ATOSA: variants seen among roughly 807,000 people sequenced by gnomAD.
ATOSA encodes atos homolog A.
the ATOSA span, among the ~76,000 whole-genome samples, chr15:52,628,426 G>A: frequency 6.6e-6 from 1 of 152,124 alleles, no homozygotes; most frequent in African/African-American, 2.4e-5. Flanking sequence ...TCAGAACTCA[G>A]GCCACACTGA....
the ATOSA span, among the ~76,000 whole-genome samples, chr15:52,622,935 C>T: frequency 4.6e-5 from 7 of 150,702 alleles, no homozygotes; most frequent in African/African-American, 7.3e-5. Flanking sequence ...CCAGCCTGGG[C>T]AACACAGTGA....
chr15:52,658,843 G>A, the ATOSA span: 8 of 369,332 alleles, frequency 2.2e-5, no homozygotes, highest in Non-Finnish European at 3.8e-5. Flanking sequence ...AAAATCAGCT[G>A]GGCATGGTGA....
the ATOSA span, among the ~76,000 whole-genome samples, chr15:52,702,779 C>CAA: frequency 1.1e-3 from 103 of 91,874 alleles, no homozygotes; most frequent in African/African-American, 3.0e-3. Flanking sequence ...AAAGTGTTTC[C>CAA]AAAAAAAAAA....
At chr15:52,656,766 A>G in the ATOSA span, 16 of 152,182 alleles carry the variant, frequency 1.1e-4, no homozygotes, top group Non-Finnish European at 1.9e-4. Flanking sequence ...AAGAATCAAG[A>G]TCAGGTATTA....
chr15:52,643,300 TA>T, the ATOSA span, among the ~76,000 whole-genome samples: 1 of 152,120 alleles, frequency 6.6e-6, no homozygotes, highest in African/African-American at 2.4e-5. Flanking sequence ...TTGAACTTTT[TA>T]AAAAAACTGA....
chr15:52,659,286 T>C, the ATOSA span, among the ~76,000 whole-genome samples: 4 of 152,258 alleles, frequency 2.6e-5, no homozygotes, highest in African/African-American at 9.6e-5. Flanking sequence ...TTGGTTATAC[T>C]TGTTTCAGTG....
chr15:52,600,350 C>T, the ATOSA span: 1 of 578,324 alleles, frequency 1.7e-6, no homozygotes. Context: ...ACCATCATAG[C>T]TCATACAGCT....
the ATOSA span, among the ~76,000 whole-genome samples, chr15:52,590,493 T>C: frequency 0.023 from 3,534 of 152,316 alleles, 116 homozygotes; most frequent in African/African-American, 0.073. Flanking sequence ...ACCACAAAGA[T>C]AGGATTTTCT....
the ATOSA span, among the ~76,000 whole-genome samples, chr15:52,665,096 C>T: frequency 1.3e-5 from 2 of 152,272 alleles, no homozygotes; most frequent in South Asian, 4.1e-4. Flanking sequence ...ACAATAGACA[C>T]TGGGGACTAC....
chr15:52,687,396 C>CTGG, the ATOSA span, among the ~76,000 whole-genome samples: 2 of 152,244 alleles, frequency 1.3e-5, no homozygotes, highest in South Asian at 4.1e-4. Flanking sequence ...CAGAGCGAGA[C>CTGG]TCCGTCTCAA....
At chr15:52,697,510 A>C in the ATOSA span, among the ~76,000 whole-genome samples, 1 of 152,236 alleles carries the variant, frequency 6.6e-6, no homozygotes. Context: ...ACTTTTAAAA[A>C]TAATTTATCT....
At chr15:52,638,573 C>A in the ATOSA span, among the ~76,000 whole-genome samples, 2 of 151,756 alleles carry the variant, frequency 1.3e-5, no homozygotes, top group Non-Finnish European at 2.9e-5. Flanking sequence ...TGGTGGTGAG[C>A]ACCTGTAATC....
At chr15:52,653,161 C>T in the ATOSA span, among the ~76,000 whole-genome samples, 2 of 152,046 alleles carry the variant, frequency 1.3e-5, no homozygotes, top group East Asian at 1.9e-4. Context: ...AGAAGCATGC[C>T]GTTTATTACT....
chr15:52,609,217 G>A, the ATOSA span: 1 of 1,611,698 alleles, frequency 6.2e-7, no homozygotes, highest in Non-Finnish European at 8.5e-7. Flanking sequence ...TTTAAAAGAA[G>A]TAAAACATTT....
chr15:52,686,634 G>T, the ATOSA span, among the ~76,000 whole-genome samples: 1 of 152,180 alleles, frequency 6.6e-6, no homozygotes, highest in Admixed American at 6.5e-5. Flanking sequence ...GCTTCTATCA[G>T]AACCCCAAAG....
chr15:52,601,164 A>G, the ATOSA span: 1 of 1,531,194 alleles, frequency 6.5e-7, no homozygotes, highest in Non-Finnish European at 8.8e-7. Context: ...TCTTTGAGGA[A>G]CCTAAGGTCA....
chr15:52,645,415 G>A, the ATOSA span, among the ~76,000 whole-genome samples: 1 of 151,988 alleles, frequency 6.6e-6, no homozygotes, highest in Admixed American at 6.6e-5. Flanking sequence ...CTGCGCTCCA[G>A]CCTGGGCGAC....
chr15:52,649,204 C>T, the ATOSA span, among the ~76,000 whole-genome samples: 23 of 152,128 alleles, frequency 1.5e-4, no homozygotes, highest in Non-Finnish European at 2.8e-4. Context: ...AGTTTTGGCC[C>T]TGCTGACTAT....
At chr15:52,592,215 G>A in the ATOSA span, among the ~76,000 whole-genome samples, 1 of 152,122 alleles carries the variant, frequency 6.6e-6, no homozygotes, top group Non-Finnish European at 1.5e-5. Context: ...GGAGAGGGGT[G>A]TTAGGAGAGG....
Sources: gnomAD v4.1 joint callset for allele counts (sites outside exome capture counted in the v4.1 genomes callset) on GRCh38, gnomAD v4.1.1 for gene constraint, MANE v1.5 for transcripts, NCBI Gene and HGNC (gene_info 2026-07-23, HGNC 2026-07-21) for gene names.